SAP130: variants seen among roughly 807,000 people sequenced by gnomAD.
SAP130 encodes the protein Sin3A associated protein 130.
A neutral mutation model predicts 103.2 loss-of-function variants in SAP130; 16 were observed. The ratio of observed to expected loss-of-function variants is 0.16; its 90% CI spans 0.10 to 0.24. SAP130 has a LOEUF of 0.24. Ranked by LOEUF, SAP130 falls within the 10% of genes least tolerant of loss-of-function variation. The probability of loss-of-function intolerance (pLI) is 1.00; values close to 1 mark genes in which losing one functional copy is unlikely to be tolerated. For missense variants in SAP130, 990 were observed against 1,359.7 expected, an observed-to-expected ratio of 0.73 and a Z score of 4.28; for synonymous variants, 477 against 497.0, an observed-to-expected ratio of 0.96 and a Z score of 0.53.
chr2:128,015,488 T>A (rs1283233801), intron 4 of SAP130, among the ~76,000 whole-genome samples: 1 of 152,168 alleles, frequency 6.6e-6, no homozygotes, highest in Non-Finnish European at 1.5e-5. Context: ...TACACCTCTT[T>A]GGGATATAAA....
chr2:127,995,688 G>C (rs558567719), intron 11 of SAP130, among the ~76,000 whole-genome samples: 15 of 152,220 alleles, frequency 9.9e-5, no homozygotes, highest in Non-Finnish European at 1.9e-4. Flanking sequence ...TGGAGAACAG[G>C]ATATTTATAC....
intron 1 of SAP130, among the ~76,000 whole-genome samples, chr2:128,026,851 C>T (rs1573875157): frequency 6.6e-6 from 1 of 152,360 alleles, no homozygotes; most frequent in East Asian, 1.9e-4. Flanking sequence ...CACAGATCCC[C>T]TCACAGAGCC....
intron 18 of SAP130, 132 bp downstream of exon 18, chr2:127,949,737 C>G: frequency 1.1e-6 from 1 of 915,104 alleles, no homozygotes; most frequent in South Asian, 1.7e-5. Flanking sequence ...AACACTAAAG[C>G]CTCAAGATTT....
At chr2:127,999,474 T>C (rs1014175423) in intron 10 of SAP130, among the ~76,000 whole-genome samples, 2 of 151,980 alleles carry the variant, frequency 1.3e-5, no homozygotes, top group Non-Finnish European at 2.9e-5. Flanking sequence ...CATGGTGGCA[T>C]GTGCCTGTAG....
At chr2:128,015,814 G>A (rs868760152) in intron 4 of SAP130, among the ~76,000 whole-genome samples, 4 of 151,834 alleles carry the variant, frequency 2.6e-5, no homozygotes, top group African/African-American at 7.3e-5. Flanking sequence ...GGTGGTGCCC[G>A]CTTGTAATCC....
In SAP130 at chr2:128,017,787, A is replaced by C; in HGVS notation, c.241T>G (p.Leu81Val). Residue 81 changes from leucine (L) to valine (V), a missense_variant, in exon 3 of 21, where the codon TTG (leucine) becomes GTG (valine). Coordinates refer to ENST00000643581, the MANE Select transcript of SAP130 (RefSeq NM_001330301.2). ...GATGCGACAGCATGGTGTGTCGACAACATCTGCACCTGTGGATAGGGCCTT... is the reference window on the plus strand; with the variant it reads ...GATGCGACAGCATGGTGTGTCGACACCATCTGCACCTGTGGATAGGGCCTT... Reference protein sequence around the residue: ...VVRPYPQVQMLSTHHAVASAT... With the variant: ...VVRPYPQVQMVSTHHAVASAT... The C allele has an allele frequency of 6.2e-7, 1 of 1,614,244 alleles. No homozygotes were observed. Among genetic ancestry groups the C allele is most frequent in the Non-Finnish European group, 8.5e-7 (1 of 1,180,050 alleles).
chr2:128,027,431 A>G lies in SAP130; in HGVS notation c.-7+509T>C, dbSNP rs1255994081. ...CCCTCCCGCCGACTGCCAGCCAATCAGGCGCGAGCCTGGCCGGGGCAGCCC... is the reference window on the plus strand; with the variant it reads ...CCCTCCCGCCGACTGCCAGCCAATCGGGCGCGAGCCTGGCCGGGGCAGCCC... On this transcript the variant is annotated intron_variant, in intron 1 of 20. Transcript: ENST00000643581. 6.3e-6 allele frequency: 7 copies of G among 1,114,368 alleles called. No individual in the cohort carries two copies. In the African/African-American group the frequency reaches 1.2e-4, roughly 19 times the overall value. The allele number at this position is 1,114,368 out of a possible 1,614,324, so 69.0% of individuals were successfully genotyped here. A position where few individuals can be genotyped will look rare whatever the true frequency, so the allele number is the denominator to read the frequency against.
At chr2:127,980,351 G>A (rs889320370) in intron 14 of SAP130, among the ~76,000 whole-genome samples, 3 of 151,970 alleles carry the variant, frequency 2.0e-5, no homozygotes, top group Non-Finnish European at 2.9e-5. Context: ...ACTATAAACC[G>A]ACAGAATGAC....
chr2:127,946,433 CTG>C (rs1241030096), intron 18 of SAP130, among the ~76,000 whole-genome samples: 3 of 152,094 alleles, frequency 2.0e-5, no homozygotes, highest in African/African-American at 7.2e-5. Context: ...TTTTTGAACA[CTG>C]TTTATCATGA....
chr2:127,947,633 T>C (rs1010127539), intron 18 of SAP130, among the ~76,000 whole-genome samples: 66 of 152,230 alleles, frequency 4.3e-4, no homozygotes, highest in Non-Finnish European at 2.9e-5. Context: ...CTTATCAGTA[T>C]GTAATATCCC....
At chr2:128,026,865 G>A (rs1685532071) in intron 1 of SAP130, among the ~76,000 whole-genome samples, 1 of 152,220 alleles carries the variant, frequency 6.6e-6, no homozygotes. Context: ...CAGAGCCAGA[G>A]GACCCTACAC....
chr2:128,009,432 C>T (rs1684223220), intron 7 of SAP130, among the ~76,000 whole-genome samples: 1 of 152,184 alleles, frequency 6.6e-6, no homozygotes, highest in Non-Finnish European at 1.5e-5. Context: ...GATCGTGCCA[C>T]TATACTCCAG....
intron 14 of SAP130, among the ~76,000 whole-genome samples, chr2:127,982,288 G>A (rs954989936): frequency 1.3e-5 from 2 of 152,128 alleles, no homozygotes; most frequent in South Asian, 4.1e-4. Flanking sequence ...CTACTAACAA[G>A]AAAAAGCTGA....
intron 7 of SAP130, among the ~76,000 whole-genome samples, chr2:128,008,000 C>T (rs1040307054): frequency 3.9e-5 from 6 of 152,176 alleles, no homozygotes; most frequent in Non-Finnish European, 8.8e-5. Flanking sequence ...TTCATTTACT[C>T]GGACAAGTAA....
chr2:127,942,312 C>T lies in SAP130; in HGVS notation c.3015+112G>A, dbSNP rs893877330. ...TTTCTCAGGAGTGCAGGCTGAAGCA[C>T]GTATGTTTTTACTGAAGATATGAGG... is the stretch of plus-strand genomic sequence containing the variant. On this transcript the variant is annotated intron_variant, in intron 20 of 20. Coordinates refer to ENST00000643581, the MANE Select transcript of SAP130 (RefSeq NM_001330301.2). This position sits in a 1 kb window ranked among gnomAD's most constrained non-coding sequence, Gnocchi z 4.8. 2.9e-5 allele frequency: 31 copies of T among 1,082,692 alleles called. No homozygotes were observed. The highest frequency in any genetic ancestry group is 3.1e-5 in the African/African-American group (2 of 64,030). The allele number at this position is 1,082,692 out of a possible 1,614,324, so 67.1% of individuals were successfully genotyped here.
chr2:127,994,613 G>T (rs575741505), intron 11 of SAP130, among the ~76,000 whole-genome samples: 2 of 151,324 alleles, frequency 1.3e-5, no homozygotes, highest in African/African-American at 4.9e-5. Context: ...AAAAAACTTC[G>T]CCAGGCATGA....
rs187976636 is a variant in SAP130 at position 127,942,022 on chromosome 2, C to T, written c.3158G>A (p.Arg1053Gln). 41 of 1,576,650 alleles carry T rather than the reference C, an allele frequency of 2.6e-5. No homozygotes were observed. The highest frequency in any genetic ancestry group is 7.1e-5 in the East Asian group (3 of 42,470). The change falls in exon 21 of 21, where the codon CGA becomes CAA. Residue 1053 changes from arginine (R) to glutamine (Q), a missense_variant. By Grantham distance (43) the Arg-to-Gln change is conservative. This residue lies in a region of SAP130 where 69 missense variants were observed against 165.7 expected (regional missense o/e 0.42). Coordinates refer to ENST00000643581, the MANE Select transcript of SAP130 (RefSeq NM_001330301.2). This position sits in a 1 kb window ranked among gnomAD's most constrained non-coding sequence, Gnocchi z 4.8. ...GTTCTGGGTCTAGACTTTTTCCTTTCGCTTCAATTTGGACACTTTTTTGAC... is the reference window on the plus strand; with the variant it reads ...GTTCTGGGTCTAGACTTTTTCCTTTTGCTTCAATTTGGACACTTTTTTGAC... ...GTVKKVSKLKRKEKV is the reference protein window; with the variant it reads ...GTVKKVSKLKQKEKV
chr2:127,996,499 C>T lies in SAP130; in HGVS notation c.1214-8G>A, dbSNP rs769974619. 47 of 1,527,716 alleles carry T rather than the reference C, an allele frequency of 3.1e-5. No individual in the cohort carries two copies. Among genetic ancestry groups the T allele is most frequent in the Admixed American group, 2.0e-4 (10 of 49,512 alleles). The allele number at this position is 1,527,716 out of a possible 1,614,324, so 94.6% of individuals were successfully genotyped here. A position where few individuals can be genotyped will look rare whatever the true frequency, so the allele number is the denominator to read the frequency against. On this transcript the variant is annotated splice_region_variant and splice_polypyrimidine_tract_variant and intron_variant, in intron 10 of 20. Transcript: ENST00000643581. This position sits in a 1 kb window ranked among gnomAD's most constrained non-coding sequence, Gnocchi z 4.3. ...GCTGGGGCACCACCTTGGCTGCAAACAGTAAATGCCAATTCCATGACCATT... is the reference window on the plus strand; with the variant it reads ...GCTGGGGCACCACCTTGGCTGCAAATAGTAAATGCCAATTCCATGACCATT...
At chr2:127,970,324 TGAGATCAG>T (rs898346264) in intron 15 of SAP130, among the ~76,000 whole-genome samples, 40 of 146,128 alleles carry the variant, frequency 2.7e-4, no homozygotes, top group Non-Finnish European at 4.5e-4. Context: ...GGAGGGATCA[TGAGATCAG>T]GAGATCAAGA....
Sources: gnomAD v4.1 joint callset for allele counts (sites outside exome capture counted in the v4.1 genomes callset) on GRCh38, gnomAD v4.1.1 for gene constraint, gnomAD v4.1.1 regional missense constraint, Gnocchi (gnomAD v3.1) non-coding constraint, MANE v1.5 for transcripts, NCBI Gene and HGNC (gene_info 2026-07-23, HGNC 2026-07-21) for gene names.